The following NKD1 variants were observed in gnomAD, a reference collection of about 807,000 sequenced individuals.
NKD1 encodes protein naked cuticle homolog 1.
In NKD1, 21 loss-of-function variants were observed where a neutral mutation model predicts 56.0. That is an observed-to-expected ratio of 0.38 (90% confidence interval 0.27 to 0.54). The LOEUF is 0.54. Ranked by LOEUF, NKD1 falls within the 20% of genes least tolerant of loss-of-function variation. The pLI is 0.82. For missense variants in NKD1, 578 were observed against 642.7 expected (o/e 0.90, Z 1.09); for synonymous variants, 263 against 265.7 (o/e 0.99, Z 0.10).
chr16:50,612,809 C>T (rs372051178), intron 4 of NKD1, among the ~76,000 whole-genome samples: 1 of 152,126 alleles, frequency 6.6e-6, no homozygotes, highest in Non-Finnish European at 1.5e-5. Flanking sequence ...TGTGGGACCA[C>T]GCCCTTAGGT....
At position 50,644,621 on chromosome 16, in the gene NKD1, A is replaced by G. The variant is rs897336024; in HGVS notation, c.*10840A>G. The G allele has an allele frequency of 1.3e-5, 2 of 152,334 alleles. No homozygotes were observed. The highest frequency in any genetic ancestry group is 1.9e-4 in the East Asian group (1 of 5,176). 9.4% of individuals were successfully genotyped at this position (152,334 alleles called of 1,614,324 possible). On this transcript the variant is annotated 3_prime_UTR_variant, in exon 10 of 10. Transcript: ENST00000268459. ...GGCTCGGCCTGTGGGCTCTCAGCAC[A>G]TCTAGGTACTGGGGCCCAGGGTGAC...
intron 3 of NKD1, among the ~76,000 whole-genome samples, chr16:50,578,177 C>T (rs770450625): frequency 5.3e-5 from 8 of 152,120 alleles, no homozygotes; most frequent in Admixed American, 2.0e-4. Flanking sequence ...TCTGCTTCTA[C>T]TTGGTGAAAG....
intron 3 of NKD1, chr16:50,557,561 A>G (rs548577691): frequency 9.2e-5 from 14 of 152,330 alleles, no homozygotes; most frequent in African/African-American, 3.1e-4. Context: ...ATCAGGAATA[A>G]TTATTGAATT....
intron 3 of NKD1, among the ~76,000 whole-genome samples, chr16:50,600,789 G>T (rs1312292960): frequency 6.6e-6 from 1 of 152,178 alleles, no homozygotes; most frequent in African/African-American, 2.4e-5. Flanking sequence ...GAGGAAGGGA[G>T]TATGGTGGTT....
chr16:50,594,603 G>C (rs564527195), intron 3 of NKD1, among the ~76,000 whole-genome samples: 1 of 152,242 alleles, frequency 6.6e-6, no homozygotes. Context: ...CTGACCCTCT[G>C]GGGGAGCTCT....
rs979819637 is a variant in NKD1, at chr16:50,645,958, G to C, written c.*12177G>C. ...TGACTTATGTCCCTCTGCCAGGAGA[G>C]GGGAAAGGAGGGAGGCATGATATTG... On this transcript the variant is annotated 3_prime_UTR_variant, in exon 10 of 10. Transcript: ENST00000268459. The C allele has an allele frequency of 6.6e-6, 1 of 152,202 alleles. No individual in the cohort carries two copies. Among genetic ancestry groups the C allele is most frequent in the African/African-American group, 2.4e-5 (1 of 41,432 alleles). The allele number at this position is 152,202 out of a possible 1,614,324, so 9.4% of individuals were successfully genotyped here.
At chr16:50,567,450 A>T (rs1335103287) in intron 3 of NKD1, among the ~76,000 whole-genome samples, 1 of 152,150 alleles carries the variant, frequency 6.6e-6, no homozygotes, top group Admixed American at 6.5e-5. Context: ...CCCTGAGATG[A>T]TTGCTCCCCA....
chr16:50,609,055 C>A (rs917018977), intron 4 of NKD1, among the ~76,000 whole-genome samples: 3 of 152,248 alleles, frequency 2.0e-5, no homozygotes, highest in Non-Finnish European at 4.4e-5. Flanking sequence ...GAACTTCTGG[C>A]CTCGAGTGAC....
intron 3 of NKD1, among the ~76,000 whole-genome samples, chr16:50,594,176 G>A (rs1409715361): frequency 6.8e-6 from 1 of 147,990 alleles, no homozygotes; most frequent in African/African-American, 2.5e-5. Flanking sequence ...GTGGGGTGGG[G>A]TGGGAAGAAA....
rs1187192575 is a variant in NKD1, at chr16:50,621,689, A to G, written c.347A>G (p.Lys116Arg). The change falls in exon 5 of 10, where the codon AAG becomes AGG. Residue 116 changes from lysine (K) to arginine (R), a missense_variant. Coordinates refer to ENST00000268459, the MANE Select transcript of NKD1 (RefSeq NM_033119.5). ...ERVSEPCPGS[K>R]KQLKFEELQC... The stretch of plus-strand genomic sequence containing the variant: ...GTGAGCGAACCCTGCCCAGGCTCCA[A>G]GAAGCAGCTGAAGTTTGAAGTAAGT... The G allele has an allele frequency of 1.2e-6, 2 of 1,613,840 alleles. No individual in the cohort carries two copies. Among genetic ancestry groups the G allele is most frequent in the Non-Finnish European group, 1.7e-6 (2 of 1,179,842 alleles).
At position 50,632,357 on chromosome 16, in the gene NKD1, C is replaced by T; in HGVS notation, c.772C>T (p.His258Tyr). The T allele has an allele frequency of 6.2e-7, 1 of 1,614,090 alleles. No homozygotes were observed. Among genetic ancestry groups the T allele is most frequent in the South Asian group, 1.1e-5 (1 of 91,074 alleles). The change falls in exon 9 of 10, where the codon CAC (histidine) becomes TAC (tyrosine). Residue 258 changes from histidine to tyrosine, a missense_variant. By Grantham distance (83) the His-to-Tyr change is moderately conservative. Coordinates refer to ENST00000268459, the MANE Select transcript of NKD1 (RefSeq NM_033119.5). This position sits in a 1 kb window ranked among gnomAD's most constrained non-coding sequence, Gnocchi z 4.1. The part of the protein sequence containing the change: ...CVDENIERRN[H>Y]YLDLAGIENY... ...AGATGAGAACATCGAGAGGAGAAAC[C>T]ACTACTTAGATCTCGCCGGGATAGA...
intron 3 of NKD1, among the ~76,000 whole-genome samples, chr16:50,576,409 A>G (rs1960994927): frequency 6.6e-6 from 1 of 152,222 alleles, no homozygotes; most frequent in African/African-American, 2.4e-5. Flanking sequence ...TTGATAATGA[A>G]TGACTCATAA....
chr16:50,580,513 GT>G (rs945414556), intron 3 of NKD1, among the ~76,000 whole-genome samples: 9 of 152,226 alleles, frequency 5.9e-5, no homozygotes, highest in African/African-American at 2.2e-4. Context: ...TTGTCAAAGG[GT>G]TCCCTGGCCA....
intron 4 of NKD1, among the ~76,000 whole-genome samples, chr16:50,611,652 C>T (rs1354821782): frequency 6.6e-6 from 1 of 152,208 alleles, no homozygotes; most frequent in Non-Finnish European, 1.5e-5. Flanking sequence ...GCCTGTTCAG[C>T]TCTGCAATGG....
At chr16:50,601,796 C>T (rs1361608079) in intron 3 of NKD1, among the ~76,000 whole-genome samples, 1 of 152,116 alleles carries the variant, frequency 6.6e-6, no homozygotes, top group African/African-American at 2.4e-5. Context: ...GCTGAGGACT[C>T]TGCCCTATAT....
At chr16:50,562,387 C>T (rs1205466265) in intron 3 of NKD1, 1 of 496,758 alleles carries the variant, frequency 2.0e-6, no homozygotes, top group Non-Finnish European at 2.6e-6. Flanking sequence ...GAGAATTTTG[C>T]TTTTCATTTT....
rs572749566 is a variant in NKD1, at chr16:50,610,310, C to A, written c.259+1950C>A. Among the ~76,000 whole-genome samples the A allele has an allele frequency of 3.3e-5, 5 of 152,336 alleles. No homozygotes were observed. The East Asian group carries it at 9.6e-4, about 29-fold the overall frequency. On this transcript the variant is annotated intron_variant, in intron 4 of 9. Coordinates refer to ENST00000268459, the MANE Select transcript of NKD1 (RefSeq NM_033119.5). ...GGAGTGGAGCTGCTCTGGTTTGAGT[C>A]GGGTGGGCATCTGGACCTGTCCGTG...
At chr16:50,614,485 A>AG (rs1961918730) in intron 4 of NKD1, among the ~76,000 whole-genome samples, 1 of 152,032 alleles carries the variant, frequency 6.6e-6, no homozygotes, top group African/African-American at 2.4e-5. Flanking sequence ...TCTCCCCCAC[A>AG]GGGGGCAAGG....
intron 3 of NKD1, among the ~76,000 whole-genome samples, chr16:50,600,260 C>G (rs910302531): frequency 2.6e-5 from 4 of 151,026 alleles, no homozygotes; most frequent in African/African-American, 9.9e-5. Context: ...AACAAACAAA[C>G]AACAAAAAAC....
Sources: gnomAD v4.1 joint callset for allele counts (sites outside exome capture counted in the v4.1 genomes callset) on GRCh38, gnomAD v4.1.1 for gene constraint, Gnocchi (gnomAD v3.1) non-coding constraint, MANE v1.5 for transcripts, NCBI Gene and HGNC (gene_info 2026-07-23, HGNC 2026-07-21) for gene names.